DDX60: variants seen among roughly 807,000 people sequenced by gnomAD.
DDX60 encodes the protein probable ATP-dependent RNA helicase DDX60.
DDX60 carries 165 observed loss-of-function variants against 212.8 expected under a neutral mutation model. The observed-to-expected ratio is 0.78, with a 90% confidence interval of 0.68 to 0.88. The LOEUF is 0.88. DDX60 is among the 40% of genes least tolerant of loss of function. The pLI, the probability that DDX60 is intolerant of heterozygous loss-of-function variation, is 0.00. For synonymous variants in DDX60, 703 were observed against 685.3 expected (o/e 1.03, Z -0.40); for missense variants, 1,905 against 2,003.9 (o/e 0.95, Z 0.94).
chr4:168,280,699 C>T, intron 13 of DDX60, 109 bp from the exon 14 acceptor site: 1 of 1,228,870 alleles, frequency 8.1e-7, no homozygotes, highest in Non-Finnish European at 1.1e-6. Context: ...ACCATCATCC[C>T]ATTTTGAGTA....
At chr4:168,229,422 T>C (rs1028023969) in intron 33 of DDX60, among the ~76,000 whole-genome samples, 2 of 152,096 alleles carry the variant, frequency 1.3e-5, no homozygotes, top group Non-Finnish European at 2.9e-5. Context: ...CCAATGGAAT[T>C]GGGGAAAGAC....
intron 26 of DDX60, among the ~76,000 whole-genome samples, chr4:168,254,932 A>G (rs1329485295): frequency 5.3e-5 from 8 of 152,230 alleles, no homozygotes; most frequent in African/African-American, 1.9e-4. Flanking sequence ...ACATTTTGGC[A>G]TAATGGTAAA....
chr4:168,267,690 C>A lies in DDX60; in HGVS notation c.2931G>T (p.Val977=). 2 of 1,574,846 alleles carry A rather than the reference C, an allele frequency of 1.3e-6. No homozygotes were observed. Among genetic ancestry groups the A allele is most frequent in the East Asian group, 2.3e-5 (1 of 44,442 alleles). ...GATCATTATACCTCTCTCCATAGAG[C>A]ACTAAAAATGAAGAACAAGAATTTC... is the stretch of plus-strand genomic sequence containing the variant. ...QVKQSYKVRL[V]LYGERYNDLE... is the part of the protein sequence containing the mutation. The change falls in exon 22 of 38, where the codon GTG becomes GTT. Residue 977 remains valine (V), a splice_region_variant and synonymous_variant. Transcript: ENST00000393743.
Position 168,255,829 on chromosome 4 carries a change from T to C in DDX60, c.3439A>G (p.Ser1147Gly). The C allele has an allele frequency of 1.2e-6, 2 of 1,602,678 alleles. No homozygotes were observed. The highest frequency in any genetic ancestry group is 1.7e-6 in the Non-Finnish European group (2 of 1,176,932). Reference protein sequence around the residue: ...GAVENAAESVSTFLKKKQETK... With the variant: ...GAVENAAESVGTFLKKKQETK... ...TCCTGCTTTTTCTTTAGGAAAGTGC[T>C]CACACTTTCAGCTGCGTTTTCTACA... Residue 1147 changes from serine to glycine, a missense_variant, in exon 26 of 38, where the codon AGC becomes GGC. By Grantham distance (56) the Ser-to-Gly change is moderately conservative. Transcript: ENST00000393743.
chr4:168,266,824 C>T (rs7680182), intron 22 of DDX60, among the ~76,000 whole-genome samples: 11 of 152,008 alleles, frequency 7.2e-5, no homozygotes, highest in African/African-American at 2.4e-4. Context: ...TAATTATATT[C>T]GTGTCAAATT....
At chr4:168,227,210 GT>G (rs61106831) in intron 33 of DDX60, among the ~76,000 whole-genome samples, 64,214 of 145,282 alleles carry the variant, frequency 0.44, 14,018 homozygotes, top group African/African-American at 0.53. Flanking sequence ...TTGTGGGAAT[GT>G]TTTTTTTTTT....
At chr4:168,271,532 CCAAGGGGCA>C (rs1275145664) in intron 19 of DDX60, among the ~76,000 whole-genome samples, 2 of 152,206 alleles carry the variant, frequency 1.3e-5, no homozygotes, top group Non-Finnish European at 1.5e-5. Flanking sequence ...CCCCTTTAAG[CCAAGGGGCA>C]AACTACTAGC....
intron 35 of DDX60, among the ~76,000 whole-genome samples, chr4:168,223,577 A>T (rs2149490819): frequency 6.6e-6 from 1 of 152,194 alleles, no homozygotes; most frequent in African/African-American, 2.4e-5. Context: ...TTAACACACC[A>T]ACATTTATTT....
intron 19 of DDX60, 51 bp from the exon 20 acceptor site, chr4:168,269,020 G>C: frequency 9.6e-7 from 1 of 1,046,328 alleles, no homozygotes; most frequent in Non-Finnish European, 1.4e-6. Context: ...TTTAAAAATA[G>C]CAAATGAAAG....
rs58854570 is a variant in DDX60 at position 168,225,056 on chromosome 4, TA to T, written c.4681+472del. Among the ~76,000 whole-genome samples, 982 of 152,158 alleles carry T rather than the reference TA, an allele frequency of 6.5e-3. 10 individuals carry two copies. The highest frequency in any genetic ancestry group is 0.023 in the African/African-American group (937 of 41,558). ...TTAATCATTTAAAACTCATCAAAACTACGTAGATAATGCTATTCCCTTTCTC... is the reference window on the plus strand; with the variant it reads ...TTAATCATTTAAAACTCATCAAAACTCGTAGATAATGCTATTCCCTTTCTC... On this transcript the variant is annotated intron_variant, in intron 34 of 37. Transcript: ENST00000393743.
chr4:168,216,801 G>A lies in DDX60; in HGVS notation c.*132C>T. The A allele has an allele frequency of 1.7e-6, 1 of 572,832 alleles. No individual in the cohort carries two copies. The highest frequency in any genetic ancestry group is 3.0e-6 in the Non-Finnish European group (1 of 336,176). 35.5% of individuals were successfully genotyped at this position (572,832 alleles called of 1,614,324 possible). A position where few individuals can be genotyped will look rare whatever the true frequency, so the allele number is the denominator to read the frequency against. ...AACTCTGTTTGATTCCAAAGTGTTT[G>A]CTCTTTCCACTTCATCGTAATGTAT... On this transcript the variant is annotated 3_prime_UTR_variant, in exon 38 of 38. Transcript: ENST00000393743.
intron 12 of DDX60, 46 bp downstream of exon 12, chr4:168,284,774 G>T: frequency 1.1e-6 from 1 of 932,610 alleles, no homozygotes. Flanking sequence ...AAGAGGCAGA[G>T]AGTAAAGTAG....
chr4:168,266,728 G>A (rs927571928), intron 22 of DDX60, among the ~76,000 whole-genome samples: 7 of 152,092 alleles, frequency 4.6e-5, no homozygotes, highest in Non-Finnish European at 7.4e-5. Context: ...AAGCTAAGGA[G>A]GTATGCATTT....
At chr4:168,269,511 G>C (rs1224763965) in intron 19 of DDX60, among the ~76,000 whole-genome samples, 1 of 152,044 alleles carries the variant, frequency 6.6e-6, no homozygotes, top group Non-Finnish European at 1.5e-5. Flanking sequence ...TGAGGCAGGA[G>C]AATGGCGTGA....
At chr4:168,222,279 A>C (rs1407789019) in intron 35 of DDX60, among the ~76,000 whole-genome samples, 1 of 152,156 alleles carries the variant, frequency 6.6e-6, no homozygotes, top group Non-Finnish European at 1.5e-5. Context: ...CAACTCTAAC[A>C]ATCTTGGGAA....
chr4:168,306,644 T>C lies in DDX60; in HGVS notation c.341A>G (p.Asn114Ser), dbSNP rs771156955. ...TGTTGTTCGAACATCAATGGTGGTA[T>C]TCTTCTGAAGATGAAGAATTAAAGC... ...RTALILHLQK[N>S]TTIDVRTTFS... The change falls in exon 5 of 38, where the codon AAT becomes AGT. Residue 114 changes from asparagine (N) to serine (S), a missense_variant. Transcript: ENST00000393743. 3.7e-6 allele frequency: 6 copies of C among 1,614,162 alleles called. No homozygotes were observed. Among genetic ancestry groups the C allele is most frequent in the South Asian group, 2.2e-5 (2 of 91,086 alleles).
intron 18 of DDX60, among the ~76,000 whole-genome samples, chr4:168,272,569 A>G (rs1735150742): frequency 6.6e-6 from 1 of 152,236 alleles, no homozygotes; most frequent in South Asian, 2.1e-4. Context: ...ATGGAGCCTC[A>G]GCCAACCTAG....
chr4:168,224,109 A>G, intron 35 of DDX60, 134 bp downstream of exon 35: 2 of 898,826 alleles, frequency 2.2e-6, no homozygotes, highest in Admixed American at 5.3e-5. Context: ...ATTCCTGAAT[A>G]TATCTGTTGA....
chr4:168,265,830 A>G (rs1734815900), intron 22 of DDX60, among the ~76,000 whole-genome samples: 1 of 108,110 alleles, frequency 9.2e-6, no homozygotes, highest in African/African-American at 3.5e-5. Flanking sequence ...GGAGGGAAGG[A>G]GGGAAGGAAG....
Sources: gnomAD v4.1 joint callset for allele counts (sites outside exome capture counted in the v4.1 genomes callset) on GRCh38, gnomAD v4.1.1 for gene constraint, MANE v1.5 for transcripts, NCBI Gene and HGNC (gene_info 2026-07-23, HGNC 2026-07-21) for gene names.